The following B3GAT2 variants were observed in gnomAD, a reference collection of about 807,000 sequenced individuals.
B3GAT2 encodes the protein beta-1,3-glucuronyltransferase 2.
In B3GAT2, 26 loss-of-function variants were observed where a neutral mutation model predicts 27.8. The ratio of observed to expected loss-of-function variants is 0.93; its 90% CI spans 0.68 to 1.30. The LOEUF is 1.30. Among genes scored for constraint, B3GAT2 ranks in the 50% most tolerant of loss-of-function variants. The pLI is 0.00. For missense variants in B3GAT2, 458 were observed against 459.0 expected (o/e 1.00, Z 0.02); for synonymous variants, 218 against 195.1 (o/e 1.12, Z -0.98).
intron 1 of B3GAT2, among the ~76,000 whole-genome samples, chr6:70,950,294 A>AG (rs1765558561): frequency 1.3e-5 from 1 of 76,480 alleles, no homozygotes; most frequent in Non-Finnish European, 2.8e-5. Flanking sequence ...CTTGCAAAAA[A>AG]AAAAAATTTT....
At chr6:70,871,990 A>C (rs560372798) in intron 2 of B3GAT2, among the ~76,000 whole-genome samples, 5 of 151,954 alleles carry the variant, frequency 3.3e-5, no homozygotes, top group East Asian at 3.9e-4. Flanking sequence ...TAATTTCCAT[A>C]TATTTGTGAA....
intron 1 of B3GAT2, among the ~76,000 whole-genome samples, chr6:70,895,489 A>T (rs1245955164): frequency 6.8e-6 from 1 of 146,556 alleles, no homozygotes; most frequent in African/African-American, 2.5e-5. Context: ...TTGTTCCAAA[A>T]AGGGGATTTT....
chr6:70,954,781 G>A (rs963350741), intron 1 of B3GAT2, among the ~76,000 whole-genome samples: 1 of 152,162 alleles, frequency 6.6e-6, no homozygotes, highest in Non-Finnish European at 1.5e-5. Context: ...TTCTTTGGCT[G>A]TAATTGCGTA....
intron 2 of B3GAT2, among the ~76,000 whole-genome samples, chr6:70,866,389 A>C (rs1771851643): frequency 6.6e-6 from 1 of 152,194 alleles, no homozygotes; most frequent in Non-Finnish European, 1.5e-5. Context: ...TCAAGAATAC[A>C]TATGTATTTA....
intron 1 of B3GAT2, among the ~76,000 whole-genome samples, chr6:70,928,332 A>G (rs1181866965): frequency 2.0e-5 from 3 of 152,118 alleles, no homozygotes; most frequent in African/African-American, 4.8e-5. Context: ...AATAACTAAG[A>G]TCAGACCAGA....
Position 70,939,426 on chromosome 6 carries a change from T to C in B3GAT2, c.591+16413A>G, listed in dbSNP as rs539324275. Among the ~76,000 whole-genome samples the C allele has an allele frequency of 4.0e-5, 6 of 151,074 alleles. No homozygotes were observed. In the East Asian group the frequency reaches 1.2e-3, roughly 29 times the overall value. ...ATACCCAAAGGACTATAAATCATGC[T>C]GCTATAAAGACACATGCACATGTAT... On this transcript the variant is annotated intron_variant, in intron 1 of 3. Coordinates refer to ENST00000230053, the MANE Select transcript of B3GAT2 (RefSeq NM_080742.3).
At chr6:70,919,066 C>T (rs1045370231) in intron 1 of B3GAT2, among the ~76,000 whole-genome samples, 1 of 152,156 alleles carries the variant, frequency 6.6e-6, no homozygotes, top group African/African-American at 2.4e-5. Flanking sequence ...TCACATAGTC[C>T]CGTATTTCTT....
In B3GAT2 at chr6:70,903,468, A is replaced by C. The variant is rs527291336; in HGVS notation, c.592-9196T>G. Reference sequence around the variant, plus strand: ...ACATATCCTAATACATACATCTGACAAAACACTAGTATTCAGAATGCATAG... The same window carrying C: ...ACATATCCTAATACATACATCTGACCAAACACTAGTATTCAGAATGCATAG... On this transcript the variant is annotated intron_variant, in intron 1 of 3. Transcript: ENST00000230053. Among the ~76,000 whole-genome samples, 3 of 152,254 alleles carry C rather than the reference A, an allele frequency of 2.0e-5. No individual in the cohort carries two copies. In the South Asian group the frequency reaches 6.2e-4, roughly 32 times the overall value.
At chr6:70,875,260 C>T (rs1771997342) in intron 2 of B3GAT2, among the ~76,000 whole-genome samples, 2 of 152,142 alleles carry the variant, frequency 1.3e-5, no homozygotes, top group South Asian at 4.1e-4. Context: ...AAACAGAAAA[C>T]TGCTACTTAA....
intron 1 of B3GAT2, among the ~76,000 whole-genome samples, chr6:70,894,984 G>GAA (rs757708924): frequency 5.3e-5 from 8 of 152,186 alleles, no homozygotes; most frequent in Non-Finnish European, 1.2e-4. Context: ...AAAGCTTGCT[G>GAA]ATATTAGGCA....
chr6:70,862,987 A>G (rs921039811), intron 2 of B3GAT2, among the ~76,000 whole-genome samples: 2 of 152,218 alleles, frequency 1.3e-5, no homozygotes, highest in Admixed American at 6.5e-5. Flanking sequence ...CAAAGAAAAA[A>G]GAATCATTCG....
intron 2 of B3GAT2, among the ~76,000 whole-genome samples, chr6:70,886,926 C>A (rs576885687): frequency 1.3e-5 from 2 of 152,266 alleles, no homozygotes; most frequent in South Asian, 4.2e-4. Context: ...CAGCTGCAGT[C>A]CTCTCCCGGT....
intron 2 of B3GAT2, among the ~76,000 whole-genome samples, chr6:70,868,465 C>T (rs1473157892): frequency 6.6e-6 from 1 of 152,220 alleles, no homozygotes; most frequent in African/African-American, 2.4e-5. Flanking sequence ...CCTCCATAGG[C>T]TCATCCCACT....
Position 70,857,665 on chromosome 6 carries a change from A to ATAT in B3GAT2, c.*3995_*3997dup. 1 of 482,298 alleles carries ATAT rather than the reference A, an allele frequency of 2.1e-6. No homozygotes were observed. The highest frequency in any genetic ancestry group is 3.8e-6 in the Non-Finnish European group (1 of 266,542). 29.9% of individuals were successfully genotyped at this position (482,298 alleles called of 1,614,324 possible). On this transcript the variant is annotated 3_prime_UTR_variant, in exon 4 of 4. Transcript: ENST00000230053. Reference sequence around the variant, plus strand: ...CATAGTTTGGTCTTCACAGTGGAAGATATTTTGTGTGGCTGTTGCATATGA... The same window carrying ATAT: ...CATAGTTTGGTCTTCACAGTGGAAGATATTATTTTGTGTGGCTGTTGCATATGA...
intron 2 of B3GAT2, among the ~76,000 whole-genome samples, chr6:70,867,341 A>G (rs942506699): frequency 6.6e-6 from 1 of 152,158 alleles, no homozygotes; most frequent in Admixed American, 6.6e-5. Flanking sequence ...AGAAACGACT[A>G]AAGTAGAAAT....
At chr6:70,947,693 T>C (rs1287078183) in intron 1 of B3GAT2, among the ~76,000 whole-genome samples, 2 of 151,008 alleles carry the variant, frequency 1.3e-5, no homozygotes, top group African/African-American at 2.4e-5. Flanking sequence ...ACTATTCCAA[T>C]CAATAGAAAA....
At position 70,860,048 on chromosome 6, in the gene B3GAT2, G is replaced by GTTCCCTT; in HGVS notation, c.*1614_*1615insAAGGGAA. 1 of 783,192 alleles carries GTTCCCTT rather than the reference G, an allele frequency of 1.3e-6. No homozygotes were observed. Among genetic ancestry groups the GTTCCCTT allele is most frequent in the Non-Finnish European group, 1.9e-6 (1 of 531,100 alleles). 48.5% of individuals were successfully genotyped at this position (783,192 alleles called of 1,614,324 possible). ...AAAGAAGGGAACAAAGTAGCTATTT[G>GTTCCCTT]CTTTAAGAAATATTTGTATGGTACT... On this transcript the variant is annotated 3_prime_UTR_variant, in exon 4 of 4. Transcript: ENST00000230053.
At chr6:70,955,776 G>A (rs62420336) in intron 1 of B3GAT2, 63 bp downstream of exon 1, 314,865 of 1,477,322 alleles carry the variant, frequency 0.21, 35,401 homozygotes, top group African/African-American at 0.39. Flanking sequence ...TGTGACTGCA[G>A]CCCGGCCGGC....
At chr6:70,938,973 T>C (rs1377153877) in intron 1 of B3GAT2, among the ~76,000 whole-genome samples, 1 of 151,598 alleles carries the variant, frequency 6.6e-6, no homozygotes, top group Non-Finnish European at 1.5e-5. Flanking sequence ...ACCTACAAAA[T>C]GGGAGAAAAT....
Sources: allele counts gnomAD v4.1 joint callset (sites outside exome capture counted in the v4.1 genomes callset), GRCh38; gene constraint gnomAD v4.1.1; transcripts MANE v1.5; gene names NCBI Gene and HGNC (gene_info 2026-07-23, HGNC 2026-07-21).